GALNT2: variants seen among roughly 807,000 people sequenced by gnomAD.
GALNT2 encodes the protein UDP-GalNAc:polypeptide N-acetylgalactosaminyltransferase 2.
GALNT2 carries 31 observed loss-of-function variants against 81.4 expected under a neutral mutation model. The ratio of observed to expected loss-of-function variants is 0.38; its 90% confidence interval spans 0.29 to 0.51. The LOEUF (loss-of-function observed/expected upper bound fraction) is 0.51. GALNT2 is among the 20% of genes least tolerant of loss of function. The probability of loss-of-function intolerance (pLI) is 0.87; values close to 1 mark genes in which losing one functional copy is unlikely to be tolerated. For missense variants in GALNT2, 629 were observed against 765.7 expected (o/e 0.82, Z 2.11); for synonymous variants, 303 against 287.4 (o/e 1.05, Z -0.55).
At chr1:230,063,179 T>C (rs988359067), upstream of GALNT2, among the ~76,000 whole-genome samples, 3 of 151,902 alleles carry the variant, frequency 2.0e-5, no homozygotes, top group Non-Finnish European at 1.5e-5. Context: ...GGCATGGTGG[T>C]ACATGCCTGT....
chr1:230,107,610 T>TTGTGTGTGTGTGTGTGTGTGTGTG (rs3033608), intron 1 of GALNT2, among the ~76,000 whole-genome samples: 42 of 141,204 alleles, frequency 3.0e-4, no homozygotes, highest in African/African-American at 7.0e-4. Flanking sequence ...CTCATGGACT[T>TTGTGTGTGTGTGTGTGTGTGTGTG]TGTGTGTGTG....
At chr1:230,249,838 A>T (rs1665487569) in intron 9 of GALNT2, among the ~76,000 whole-genome samples, 1 of 152,254 alleles carries the variant, frequency 6.6e-6, no homozygotes, top group Non-Finnish European at 1.5e-5. Context: ...ATATTTGCTG[A>T]CATTTAGCCA....
intron 3 of GALNT2, among the ~76,000 whole-genome samples, chr1:230,225,256 A>G (rs953703221): frequency 4.6e-5 from 7 of 152,192 alleles, no homozygotes; most frequent in Non-Finnish European, 8.8e-5. Context: ...TTTGGCTTCC[A>G]TTTCCAGTTT....
intron 2 of GALNT2, 109 bp downstream of exon 2, chr1:230,178,420 T>A: frequency 1.3e-6 from 1 of 751,632 alleles, no homozygotes; most frequent in Non-Finnish European, 2.1e-6. Context: ...ATTCCATAGG[T>A]CAGCAGGAGA....
chr1:230,121,837 C>A (rs751235726), intron 1 of GALNT2, among the ~76,000 whole-genome samples: 2 of 151,900 alleles, frequency 1.3e-5, no homozygotes, highest in East Asian at 3.9e-4. Context: ...CGAGGTCACA[C>A]AGCTAGAAGA....
chr1:230,100,175 C>CT (rs748786312), intron 1 of GALNT2, among the ~76,000 whole-genome samples: 14 of 152,124 alleles, frequency 9.2e-5, no homozygotes, highest in Admixed American at 1.3e-4. Context: ...CTTAAACACT[C>CT]TATGTTTTCT....
At chr1:230,069,709 A>G (rs1426353710) in intron 1 of GALNT2, among the ~76,000 whole-genome samples, 1 of 151,898 alleles carries the variant, frequency 6.6e-6, no homozygotes, top group Non-Finnish European at 1.5e-5. Context: ...ATACCAAAAA[A>G]AAAATGTGGT....
intron 1 of GALNT2, among the ~76,000 whole-genome samples, chr1:230,111,238 C>T (rs576701499): frequency 2.0e-5 from 3 of 151,710 alleles, no homozygotes; most frequent in Admixed American, 6.6e-5. Context: ...TGTACCTACA[C>T]GTGTGCATAC....
intron 3 of GALNT2, among the ~76,000 whole-genome samples, chr1:230,230,000 A>G (rs937028861): frequency 1.3e-5 from 2 of 152,140 alleles, no homozygotes; most frequent in Non-Finnish European, 2.9e-5. Context: ...TTTATTTAAA[A>G]TTTTTTTAAT....
rs538460460 is a variant in GALNT2, at chr1:230,193,379, T to C, written c.221-9758T>C. ...GATGACAGCTCTTTGCCCAAGAGCA[T>C]ATGTCCTGATCTGCTGCTGAAGGAC... On this transcript the variant is annotated intron_variant, in intron 2 of 15. Coordinates refer to ENST00000366672, the MANE Select transcript of GALNT2 (RefSeq NM_004481.5). The surrounding 1 kb of genome is among the most constrained non-coding windows in gnomAD (Gnocchi z 4.3). 2.6e-5 allele frequency among the ~76,000 whole-genome samples: 4 copies of C among 152,278 alleles called. No individual in the cohort carries two copies. Among genetic ancestry groups the C allele is most frequent in the South Asian group, 4.2e-4 (2 of 4,818 alleles).
At chr1:230,174,777 T>A (rs1031894688) in intron 1 of GALNT2, among the ~76,000 whole-genome samples, 1 of 152,176 alleles carries the variant, frequency 6.6e-6, no homozygotes, top group Non-Finnish European at 1.5e-5. Flanking sequence ...GCCATAGTGA[T>A]ATTTCTAGAA....
At chr1:230,245,926 C>A in intron 7 of GALNT2, 137 bp from the exon 8 acceptor site, 1 of 698,190 alleles carries the variant, frequency 1.4e-6, no homozygotes. Flanking sequence ...AGGCTGGGTT[C>A]TTGAGGGCCT....
In GALNT2 at chr1:230,271,289, C is replaced by G. The variant is rs1227110366; in HGVS notation, c.1441-3156C>G. Among the ~76,000 whole-genome samples the G allele has an allele frequency of 6.6e-6, 1 of 152,246 alleles. No individual in the cohort carries two copies. Among genetic ancestry groups the G allele is most frequent in the Non-Finnish European group, 1.5e-5 (1 of 68,042 alleles). On this transcript the variant is annotated intron_variant, in intron 14 of 15. Coordinates refer to ENST00000366672, the MANE Select transcript of GALNT2 (RefSeq NM_004481.5). The surrounding 1 kb of genome is among the most constrained non-coding windows in gnomAD (Gnocchi z 4.2). The stretch of plus-strand genomic sequence containing the variant: ...CACGGCTTCCTCTCTACACTCCACA[C>G]CTTCCATACTCTGTGACCCAGTGAA...
chr1:230,234,310 C>A (rs538465428), intron 3 of GALNT2, among the ~76,000 whole-genome samples: 3 of 152,266 alleles, frequency 2.0e-5, no homozygotes, highest in Non-Finnish European at 4.4e-5. Context: ...CAGAGAGAGA[C>A]CTTGGTTCTG....
intron 3 of GALNT2, among the ~76,000 whole-genome samples, chr1:230,233,623 A>G (rs1333442324): frequency 6.6e-6 from 1 of 152,204 alleles, no homozygotes; most frequent in African/African-American, 2.4e-5. Flanking sequence ...CAAAAGAAAA[A>G]AAAACCTACA....
At chr1:230,064,737 C>T (rs961291001), upstream of GALNT2, among the ~76,000 whole-genome samples, 4 of 152,192 alleles carry the variant, frequency 2.6e-5, no homozygotes, top group African/African-American at 9.7e-5. Context: ...GTCTTGAACT[C>T]CTGACCTCAG....
At chr1:230,126,283 C>G (rs111262668) in intron 1 of GALNT2, among the ~76,000 whole-genome samples, 1 of 152,082 alleles carries the variant, frequency 6.6e-6, no homozygotes, top group Non-Finnish European at 1.5e-5. Flanking sequence ...AGGGCCAGTT[C>G]GGCGGGGGCA....
chr1:230,131,775 G>A (rs1661376860), intron 1 of GALNT2, among the ~76,000 whole-genome samples: 1 of 152,186 alleles, frequency 6.6e-6, no homozygotes, highest in African/African-American at 2.4e-5. Flanking sequence ...GATCAACTCA[G>A]TATACCACTG....
At chr1:230,072,896 G>T (rs555521019) in intron 1 of GALNT2, among the ~76,000 whole-genome samples, 10 of 152,306 alleles carry the variant, frequency 6.6e-5, no homozygotes, top group Admixed American at 1.3e-4. Flanking sequence ...CTGCAAATGT[G>T]CCACTTGGAT....
Sources: gnomAD v4.1 joint callset for allele counts (sites outside exome capture counted in the v4.1 genomes callset) on GRCh38, gnomAD v4.1.1 for gene constraint, Gnocchi (gnomAD v3.1) non-coding constraint, MANE v1.5 for transcripts, NCBI Gene and HGNC (gene_info 2026-07-23, HGNC 2026-07-21) for gene names.